PTBP3: variants seen among roughly 807,000 people sequenced by gnomAD.
The protein encoded by PTBP3 is polypyrimidine tract-binding protein 3.
In PTBP3, 20 loss-of-function variants were observed where a neutral mutation model predicts 58.7. That is an observed-to-expected ratio of 0.34 (90% CI 0.24 to 0.50). The LOEUF is 0.50. PTBP3 is among the 20% of genes least tolerant of loss of function. The pLI, the probability that PTBP3 is intolerant of heterozygous loss-of-function variation, is 0.98. For missense variants in PTBP3, 509 were observed against 637.2 expected (o/e 0.80, Z 2.17); for synonymous variants, 185 against 219.8 (o/e 0.84, Z 1.40).
intron 1 of PTBP3, among the ~76,000 whole-genome samples, chr9:112,327,210 A>AG (rs1441458383): frequency 6.6e-6 from 1 of 151,580 alleles, no homozygotes; most frequent in Non-Finnish European, 1.5e-5. Flanking sequence ...CTGCCTTCAA[A>AG]GAAAAAAAAA....
intron 10 of PTBP3, among the ~76,000 whole-genome samples, chr9:112,231,179 C>T (rs1180872541): frequency 3.3e-5 from 5 of 150,226 alleles, no homozygotes; most frequent in Admixed American, 2.0e-4. Context: ...GGTCTCCCTG[C>T]GTTACACTCC....
rs1834794112 is a variant in PTBP3 at position 112,221,170 on chromosome 9, C to A, written c.*2681G>T. 1 of 985,462 alleles carries A rather than the reference C, an allele frequency of 1.0e-6. No homozygotes were observed. Among genetic ancestry groups the A allele is most frequent in the African/African-American group, 1.7e-5 (1 of 57,204 alleles). 61.0% of individuals were successfully genotyped at this position (985,462 alleles called of 1,614,324 possible). ...ACAAGAACATCCCACATCTCCAAAT[C>A]TTAATTTGGTTAATTTTGTCAATAA... On this transcript the variant is annotated 3_prime_UTR_variant, in exon 14 of 14. Transcript: ENST00000374257.
chr9:112,276,165 T>C, intron 2 of PTBP3, 152 bp from the exon 3 acceptor site: 2 of 650,966 alleles, frequency 3.1e-6, no homozygotes, highest in Non-Finnish European at 5.1e-6. Context: ...AAAAGGAGAG[T>C]AGAAAACAAA....
Position 112,222,366 on chromosome 9 carries a change from C to T in PTBP3, c.*1485G>A. The stretch of plus-strand genomic sequence containing the variant: ...GAGAAATAACCCACCTTCTCATACT[C>T]CAAATACGTGGGTACTCAGTAATGA... On this transcript the variant is annotated 3_prime_UTR_variant, in exon 14 of 14. Transcript: ENST00000374257. The T allele has an allele frequency of 1.0e-6, 1 of 985,630 alleles. No homozygotes were observed. The allele number at this position is 985,630 out of a possible 1,614,324, so 61.1% of individuals were successfully genotyped here. A position where few individuals can be genotyped will look rare whatever the true frequency, so the allele number is the denominator to read the frequency against.
chr9:112,337,089 G>A (rs1830582590), upstream of PTBP3, among the ~76,000 whole-genome samples: 1 of 152,228 alleles, frequency 6.6e-6, no homozygotes, highest in Non-Finnish European at 1.5e-5. Flanking sequence ...GAGTGCAGTA[G>A]CGCGATCTCA....
At chr9:112,325,912 G>A (rs1347322349) in intron 1 of PTBP3, among the ~76,000 whole-genome samples, 1 of 152,140 alleles carries the variant, frequency 6.6e-6, no homozygotes, top group Non-Finnish European at 1.5e-5. Flanking sequence ...CAGCTACTCA[G>A]GAGGCCGAGG....
chr9:112,220,524 A>T lies in PTBP3; in HGVS notation c.*3327T>A. The T allele has an allele frequency of 9.8e-7, 1 of 1,025,362 alleles. No homozygotes were observed. The highest frequency in any genetic ancestry group is 1.2e-6 in the Non-Finnish European group (1 of 852,530). 63.5% of individuals were successfully genotyped at this position (1,025,362 alleles called of 1,614,324 possible). On this transcript the variant is annotated 3_prime_UTR_variant, in exon 14 of 14. Transcript: ENST00000374257. ...ATAAGGGAACAGGCAGGCATAAATGATATCTCCAAAAACTGAGCTCAGCAA... is the reference window on the plus strand; with the variant it reads ...ATAAGGGAACAGGCAGGCATAAATGTTATCTCCAAAAACTGAGCTCAGCAA...
rs748080029 is a variant in PTBP3, at chr9:112,252,801, T to A, written c.517-13A>T. The A allele has an allele frequency of 7.1e-7, 1 of 1,402,714 alleles. No individual in the cohort carries two copies. The highest frequency in any genetic ancestry group is 1.2e-5 in the South Asian group (1 of 85,080). The allele number at this position is 1,402,714 out of a possible 1,614,324, so 86.9% of individuals were successfully genotyped here. On this transcript the variant is annotated splice_polypyrimidine_tract_variant and intron_variant, in intron 5 of 13. Coordinates refer to ENST00000374257, the MANE Select transcript of PTBP3 (RefSeq NM_001163788.4). ...ATTTAGAAAATATCTGGAAAACAGT[T>A]CACATTAGGTTAAATGTAAAAGAAA...
Position 112,320,285 on chromosome 9 carries a change from A to ATATATATATATATATAT in PTBP3, c.-52+13184_-52+13185insATATATATATATATATA, listed in dbSNP as rs1245303665. On this transcript the variant is annotated intron_variant, in intron 1 of 13. Coordinates refer to ENST00000374257, the MANE Select transcript of PTBP3 (RefSeq NM_001163788.4). Reference sequence around the variant, plus strand: ...AGGACGAGACCCTTTCTCTTAAAAAAAAAAAAATATATATATATATATATA... The same window carrying ATATATATATATATATAT: ...AGGACGAGACCCTTTCTCTTAAAAAATATATATATATATATATAAAAAAATATATATATATATATATA... Among the ~76,000 whole-genome samples, 4 of 40,108 alleles carry ATATATATATATATATAT rather than the reference A, an allele frequency of 1.0e-4. No homozygotes were observed. The African/African-American group carries it at 1.0e-3, about 10-fold the overall frequency. 26.3% of individuals were successfully genotyped at this position (40,108 alleles called of 152,430 possible).
At chr9:112,263,883 C>T (rs1836695158) in intron 4 of PTBP3, among the ~76,000 whole-genome samples, 1 of 151,974 alleles carries the variant, frequency 6.6e-6, no homozygotes, top group African/African-American at 2.4e-5. Flanking sequence ...AATCAAAACT[C>T]CTTTGTACCA....
chr9:112,303,213 C>G (rs1443820499), intron 1 of PTBP3, among the ~76,000 whole-genome samples: 3 of 152,172 alleles, frequency 2.0e-5, no homozygotes, highest in Admixed American at 6.5e-5. Flanking sequence ...CAAGCACTAT[C>G]CCTTTGCTAC....
intron 3 of PTBP3, 138 bp from the exon 4 acceptor site, chr9:112,268,333 A>C: frequency 1.3e-6 from 1 of 771,424 alleles, no homozygotes. Flanking sequence ...GGGAAAAACA[A>C]AAAAACACCT....
intron 7 of PTBP3, among the ~76,000 whole-genome samples, chr9:112,244,288 T>TAAAAAAAAAAAAAAAAAAAAAAAA (rs1439248076): frequency 5.1e-4 from 3 of 5,866 alleles, no homozygotes. Context: ...AGACTCTGTC[T>TAAAAAAAAAAAAAAAAAAAAAAAA]CAAAAAAAAA....
intron 1 of PTBP3, among the ~76,000 whole-genome samples, chr9:112,323,910 C>A (rs1449556695): frequency 6.6e-6 from 1 of 152,008 alleles, no homozygotes; most frequent in Non-Finnish European, 1.5e-5. Context: ...AACCACAGAA[C>A]CAGGAAGCTC....
intron 1 of PTBP3, among the ~76,000 whole-genome samples, chr9:112,305,918 C>T (rs916124207): frequency 2.1e-4 from 32 of 151,758 alleles, no homozygotes; most frequent in African/African-American, 7.3e-4. Context: ...CCAGCCTGGG[C>T]GACAGAGCGA....
chr9:112,235,008 C>T (rs2274519), intron 7 of PTBP3, 111 bp from the exon 8 acceptor site: 411,741 of 851,112 alleles, frequency 0.48, 102,563 homozygotes, highest in African/African-American at 0.71. Flanking sequence ...GATTCTGTTA[C>T]GGAGTAAAGA....
Position 112,222,057 on chromosome 9 carries a change from G to A in PTBP3, c.*1794C>T. Reference sequence around the variant, plus strand: ...AGCCTCCTGCCTACAGGCTCAGCCTGTAGCTGGGACTACAGGCGCACAGGC... The same window carrying A: ...AGCCTCCTGCCTACAGGCTCAGCCTATAGCTGGGACTACAGGCGCACAGGC... On this transcript the variant is annotated 3_prime_UTR_variant, in exon 14 of 14. Coordinates refer to ENST00000374257, the MANE Select transcript of PTBP3 (RefSeq NM_001163788.4). 1 of 967,348 alleles carries A rather than the reference G, an allele frequency of 1.0e-6. No homozygotes were observed. Among genetic ancestry groups the A allele is most frequent in the Non-Finnish European group, 1.2e-6 (1 of 813,136 alleles). 59.9% of individuals were successfully genotyped at this position (967,348 alleles called of 1,614,324 possible). A position where few individuals can be genotyped will look rare whatever the true frequency, so the allele number is the denominator to read the frequency against.
intron 4 of PTBP3, 147 bp downstream of exon 4, chr9:112,267,902 T>C: frequency 1.5e-6 from 1 of 658,300 alleles, no homozygotes; most frequent in Non-Finnish European, 2.2e-6. Flanking sequence ...TCTTAAGAAT[T>C]GGGGGGAAGA....
chr9:112,357,127 C>T, the PTBP3 span, among the ~76,000 whole-genome samples: 2 of 152,078 alleles, frequency 1.3e-5, no homozygotes, highest in Middle Eastern at 3.4e-3. Context: ...GGTGATCCGC[C>T]CACCTCAGCC....
Sources: gnomAD v4.1 joint callset for allele counts (sites outside exome capture counted in the v4.1 genomes callset) on GRCh38, gnomAD v4.1.1 for gene constraint, MANE v1.5 for transcripts, NCBI Gene and HGNC (gene_info 2026-07-23, HGNC 2026-07-21) for gene names.